The following IL3RA variants were observed in gnomAD, a reference collection of about 807,000 sequenced individuals.
IL3RA encodes the protein interleukin 3 receptor subunit alpha.
Under a neutral mutation model 52.3 loss-of-function variants are expected in IL3RA, and 73 were observed. That is an observed-to-expected ratio of 1.40 (90% CI 1.16 to 1.70). The LOEUF is 1.70. IL3RA is among the 40% of genes most tolerant of loss of function. The pLI is 0.00. For missense variants in IL3RA, 664 were observed against 504.4 expected (o/e 1.32, Z -3.03); for synonymous variants, 260 against 194.0 (o/e 1.34, Z -2.83).
At chrX:1,377,941 T>C (rs1472356762) in intron 9 of IL3RA, among the ~76,000 whole-genome samples, 2 of 148,592 alleles carry the variant, frequency 1.3e-5, no homozygotes, top group Non-Finnish European at 3.0e-5. Flanking sequence ...ATCCCAGCAC[T>C]TTGGGAGGCC....
chrX:1,350,623 C>T (rs190670238), intron 4 of IL3RA, among the ~76,000 whole-genome samples: 2,892 of 147,138 alleles, frequency 0.02, 165 homozygotes, highest in African/African-American at 0.07. Context: ...AATTAGCGGC[C>T]GGGCCCAGTG....
chrX:1,380,827 T>TA (rs1201586528), intron 10 of IL3RA, among the ~76,000 whole-genome samples, 196 bp from the exon 11 acceptor site: 1 of 150,926 alleles, frequency 6.6e-6, no homozygotes, highest in African/African-American at 2.4e-5. Flanking sequence ...CTCCTTTAAT[T>TA]AGACACCAGC....
In IL3RA at chrX:1,352,212, C is replaced by T. The variant is rs781158001; in HGVS notation, c.411C>T (p.Asp137=). The T allele has an allele frequency of 1.9e-6, 3 of 1,613,640 alleles. No homozygotes were observed. In the Admixed American group the frequency reaches 5.0e-5, roughly 27 times the overall value. Reference sequence around the variant, plus strand: ...GGGCCCCCGCGGACGTCCAGTACGACCTGTACTTGAACGTTGCCAAGTAGG... The same window carrying T: ...GGGCCCCCGCGGACGTCCAGTACGATCTGTACTTGAACGTTGCCAAGTAGG... ...GPGAPADVQY[D]LYLNVANRRQ... Residue 137 remains aspartate, a synonymous_variant, in exon 5 of 12, where the codon GAC becomes GAT. Coordinates refer to ENST00000331035, the MANE Select transcript of IL3RA (RefSeq NM_002183.4).
In IL3RA at chrX:1,348,432, C is replaced by G. The variant is rs746535994; in HGVS notation, c.185C>G (p.Ala62Gly). 1.4e-5 allele frequency: 22 copies of G among 1,607,826 alleles called. No individual in the cohort carries two copies. The highest frequency in any genetic ancestry group is 1.4e-5 in the Non-Finnish European group (17 of 1,174,262). The change falls in exon 4 of 12, where the codon GCA becomes GGA. Residue 62 changes from alanine (A) to glycine (G), a missense_variant and splice_region_variant. Transcript: ENST00000331035. ...ATCATAGTCCTATGTCTCTCTTAGG[C>G]AGTGAACAATAGCTATTGCCAGTTT... is the stretch of plus-strand genomic sequence containing the variant. ...CVKDADYSMPAVNNSYCQFGA... is the reference protein window; with the variant it reads ...CVKDADYSMPGVNNSYCQFGA...
chrX:1,380,936 G>A, intron 10 of IL3RA, 87 bp from the exon 11 acceptor site: 4 of 1,137,788 alleles, frequency 3.5e-6, no homozygotes, highest in Non-Finnish European at 5.3e-6. Context: ...CTCTGTCCTG[G>A]CACTGTCTGT....
At chrX:1,356,358 A>AC in intron 7 of IL3RA, 22 bp downstream of exon 7, 1 of 1,012,500 alleles carries the variant, frequency 9.9e-7, no homozygotes. Flanking sequence ...CCCCGCCCCC[A>AC]GCCCCCCCAC....
At chrX:1,355,668 G>C (rs2086655768) in intron 6 of IL3RA, among the ~76,000 whole-genome samples, 2 of 151,886 alleles carry the variant, frequency 1.3e-5, no homozygotes, top group South Asian at 4.1e-4. Context: ...AGGTGGGGGA[G>C]GTGAGAAGCC....
chrX:1,377,688 G>A (rs2088873847), intron 9 of IL3RA, among the ~76,000 whole-genome samples: 1 of 142,764 alleles, frequency 7.0e-6, no homozygotes, highest in African/African-American at 2.6e-5. Flanking sequence ...TTTTTGGAGA[G>A]AGAGTCTCTC....
intron 3 of IL3RA, among the ~76,000 whole-genome samples, chrX:1,346,698 C>G (rs1365295350): frequency 6.6e-6 from 1 of 151,246 alleles, no homozygotes; most frequent in Admixed American, 6.6e-5. Flanking sequence ...AATCCCCCAT[C>G]TTGTCATCAC....
At position 1,340,133 on chromosome X, in the gene IL3RA, T is replaced by G. The variant is rs1170913292; in HGVS notation, c.-38-1595T>G. 1.0e-3 allele frequency among the ~76,000 whole-genome samples: 142 copies of G among 141,974 alleles called. 2 individuals are homozygous for G. The highest frequency in any genetic ancestry group is 1.7e-3 in the Non-Finnish European group (108 of 63,766). The allele number at this position is 141,974 out of a possible 152,430, so 93.1% of individuals were successfully genotyped here. ...TTCTTTTCTTTTTTTTTTTTTTTTT[T>G]GAGACGGAGTCTCGCTCTGTCGTCC... On this transcript the variant is annotated intron_variant, in intron 1 of 11. Coordinates refer to ENST00000331035, the MANE Select transcript of IL3RA (RefSeq NM_002183.4).
chrX:1,345,590 T>G (rs756688195), intron 3 of IL3RA, among the ~76,000 whole-genome samples, 156 bp downstream of exon 3: 5 of 151,756 alleles, frequency 3.3e-5, no homozygotes, highest in Non-Finnish European at 5.9e-5. Flanking sequence ...CCCAGGTCCA[T>G]GCCATTCTCC....
At position 1,381,146 on chromosome X, in the gene IL3RA, G is replaced by C. The variant is rs756154450; in HGVS notation, c.1062+42G>C. 3.6e-5 allele frequency: 58 copies of C among 1,593,802 alleles called. No homozygotes were observed. In the East Asian group the frequency reaches 1.1e-3, roughly 31 times the overall value. On this transcript the variant is annotated intron_variant, in intron 11 of 11. Coordinates refer to ENST00000331035, the MANE Select transcript of IL3RA (RefSeq NM_002183.4). ...GCCTTGGGACGGGTCTGGAGGCGTG[G>C]TGGCCACTTTGGGAGGCCCAGGCGG...
chrX:1,348,374 T>C lies in IL3RA; in HGVS notation c.184-57T>C, dbSNP rs1355169651. ...GCCTCAAAAAAAATCTGAACATCATTAGCGTCAAATTAAGCATGGTCTGTC... is the reference window on the plus strand; with the variant it reads ...GCCTCAAAAAAAATCTGAACATCATCAGCGTCAAATTAAGCATGGTCTGTC... On this transcript the variant is annotated intron_variant, in intron 3 of 11. Coordinates refer to ENST00000331035, the MANE Select transcript of IL3RA (RefSeq NM_002183.4). 4 of 1,335,798 alleles carry C rather than the reference T, an allele frequency of 3.0e-6. No homozygotes were observed. In the African/African-American group the frequency reaches 5.8e-5, roughly 19 times the overall value. The allele number at this position is 1,335,798 out of a possible 1,614,324, so 82.7% of individuals were successfully genotyped here.
chrX:1,345,005 AC>A (rs1168037963), intron 2 of IL3RA, among the ~76,000 whole-genome samples: 16 of 84,562 alleles, frequency 1.9e-4, no homozygotes, highest in Non-Finnish European at 3.6e-4. Flanking sequence ...TACTAAAAAT[AC>A]AAAAAAAAAA....
intron 3 of IL3RA, 76 bp downstream of exon 3, chrX:1,345,510 G>A: frequency 2.8e-6 from 3 of 1,058,578 alleles, no homozygotes; most frequent in Non-Finnish European, 3.9e-6. Context: ...TATTTTTTGA[G>A]ACGGAGTCTT....
intron 2 of IL3RA, among the ~76,000 whole-genome samples, chrX:1,343,041 C>T (rs1444799877): frequency 2.6e-5 from 4 of 151,790 alleles, no homozygotes; most frequent in East Asian, 2.0e-4. Context: ...CGCCATTGCA[C>T]TCCAGCCTGG....
At position 1,365,266 on chromosome X, in the gene IL3RA, G is replaced by T; in HGVS notation, c.874+14G>T. ...CCCAGCGCTTCGGTGAGTGGGCTGT[G>T]CGGGGTGCGCGGGGTGAGCGGGGTG... On this transcript the variant is annotated intron_variant, in intron 9 of 11. Coordinates refer to ENST00000331035, the MANE Select transcript of IL3RA (RefSeq NM_002183.4). 1 of 1,558,338 alleles carries T rather than the reference G, an allele frequency of 6.4e-7. No individual in the cohort carries two copies. Among genetic ancestry groups the T allele is most frequent in the Non-Finnish European group, 8.7e-7 (1 of 1,143,346 alleles).
intron 1 of IL3RA, among the ~76,000 whole-genome samples, chrX:1,338,438 G>A (rs1373127210): frequency 2.0e-5 from 3 of 152,056 alleles, no homozygotes; most frequent in Non-Finnish European, 2.9e-5. Flanking sequence ...AAAGGAATAA[G>A]CAGCTTTATT....
chrX:1,356,042 G>C (rs2086679558), intron 6 of IL3RA, among the ~76,000 whole-genome samples, 179 bp from the exon 7 acceptor site: 1 of 152,158 alleles, frequency 6.6e-6, no homozygotes, highest in African/African-American at 2.4e-5. Context: ...ACGCGGCTCA[G>C]TCCTGTGTCT....
Sources: gnomAD v4.1 joint callset for allele counts (sites outside exome capture counted in the v4.1 genomes callset) on GRCh38, gnomAD v4.1.1 for gene constraint, MANE v1.5 for transcripts, NCBI Gene and HGNC (gene_info 2026-07-23, HGNC 2026-07-21) for gene names.